ARSD: variants seen among roughly 807,000 people sequenced by gnomAD.
ARSD encodes testis tissue sperm-binding protein Li 39a.
ARSD carries 21 observed loss-of-function variants against 32.6 expected under a neutral mutation model. The ratio of observed to expected loss-of-function variants is 0.64; its 90% CI spans 0.46 to 0.93. The LOEUF is 0.93. ARSD is among the 40% of genes least tolerant of loss of function. ARSD has a pLI of 0.00. For missense variants in ARSD, 454 were observed against 520.9 expected (o/e 0.87, Z 1.25); for synonymous variants, 224 against 237.4 (o/e 0.94, Z 0.52).
At chrX:2,919,796 G>A (rs2089011857) in intron 4 of ARSD, among the ~76,000 whole-genome samples, 1 of 110,992 alleles carries the variant, frequency 9.0e-6, no homozygotes, top group African/African-American at 3.3e-5. Flanking sequence ...TTCCCTAATA[G>A]ACAGCATTCC....
rs61456366 is a variant in ARSD at position 2,909,753 on chromosome X, T to TAA, written c.1298+62_1298+63dup. 3,510 of 779,275 alleles carry TAA rather than the reference T, an allele frequency of 4.5e-3. 2 individuals are homozygous for TAA. The highest frequency in any genetic ancestry group is 0.031 in the East Asian group (681 of 22,029). 64.2% of individuals were successfully genotyped at this position (779,275 alleles called of 1,213,427 possible). ...CCTGTTCCCCAAAATCCTATTGAAATAAAAAAAAAAAACTAAAAACAATTA... is the reference window on the plus strand; with the variant it reads ...CCTGTTCCCCAAAATCCTATTGAAATAAAAAAAAAAAAAACTAAAAACAATTA... On this transcript the variant is annotated intron_variant, in intron 8 of 9. Coordinates refer to ENST00000381154, the MANE Select transcript of ARSD (RefSeq NM_001669.4).
rs776826306 is a variant in ARSD at position 2,917,987 on chromosome X, G to A, written c.680C>T (p.Ala227Val). ...GCCGGCCATGCCGGTGACTGCTCTC[G>A]CGGAGACAGAGAAGAAACCGCAGGT... is the stretch of plus-strand genomic sequence containing the variant. ...GQTCGFFSVS[A>V]RAVTGMAGVG... The change falls in exon 5 of 10, where the codon GCG becomes GTG. Residue 227 changes from alanine (A) to valine (V), a missense_variant. Physicochemically the swap from Ala to Val is moderately conservative, Grantham distance 64. This residue lies in a region of ARSD where 271 missense variants were observed against 301.0 expected (regional missense o/e 0.90). Coordinates refer to ENST00000381154, the MANE Select transcript of ARSD (RefSeq NM_001669.4). The A allele has an allele frequency of 1.7e-6, 2 of 1,210,222 alleles. No individual in the cohort carries two copies.
At chrX:2,928,473 C>T (rs1365847359) in intron 1 of ARSD, among the ~76,000 whole-genome samples, 1 of 66,733 alleles carries the variant, frequency 1.5e-5, no homozygotes, top group Non-Finnish European at 2.7e-5. Context: ...GGGGAGGGCA[C>T]AGCCGTGCTG....
At chrX:2,926,641 G>A (rs757528809) in intron 1 of ARSD, among the ~76,000 whole-genome samples, 1 of 111,783 alleles carries the variant, frequency 8.9e-6, no homozygotes, top group Non-Finnish European at 1.9e-5. Context: ...CTGCCACATC[G>A]TCAAGCTGAA....
intron 3 of ARSD, among the ~76,000 whole-genome samples, chrX:2,921,558 TATCTATC>T (rs1248780162): frequency 6.2e-5 from 7 of 112,086 alleles, no homozygotes; most frequent in African/African-American, 2.3e-4. Flanking sequence ...TCTATCTATC[TATCTATC>T]ATCTATCATC....
Position 2,906,228 on chromosome X carries a change from C to T in ARSD, c.*1043G>A. The T allele has an allele frequency of 9.1e-6, 1 of 109,606 alleles. No homozygotes were observed. The allele number at this position is 109,606 out of a possible 1,213,427, so 9.0% of individuals were successfully genotyped here. ...TCTTAGCTCATTGCAGTTTTGACCT[C>T]CCAGGCTCAAATAATCCTCCCGCCT... On this transcript the variant is annotated 3_prime_UTR_variant, in exon 10 of 10. Transcript: ENST00000381154.
Position 2,921,952 on chromosome X carries a change from G to A in ARSD, c.267C>T (p.Cys89=). Residue 89 remains cysteine (C), a synonymous_variant, in exon 3 of 10, where the codon TGC becomes TGT. Transcript: ENST00000381154. ...TGAGGAATGCAGCTCGGCTTGGGGT[G>A]CAGAGCGGGGCGGCCGCCAGGTGCT... The part of the protein sequence containing the change: ...LTQHLAAAPL[C]TPSRAAFLTG... 8.3e-7 allele frequency: 1 copy of A among 1,211,108 alleles called. No homozygotes were observed.
chrX:2,920,233 C>G (rs1288682515), intron 4 of ARSD: 5 of 222,381 alleles, frequency 2.2e-5, no homozygotes, highest in Non-Finnish European at 4.1e-5. Context: ...GGGCAATCTC[C>G]TAGGATTTTG....
Position 2,907,435 on chromosome X carries a change from C to T in ARSD, c.1618G>A (p.Val540Met), listed in dbSNP as rs757945599. 50 of 1,210,278 alleles carry T rather than the reference C, an allele frequency of 4.1e-5. No individual in the cohort carries two copies. The highest frequency in any genetic ancestry group is 5.1e-5 in the Non-Finnish European group (46 of 895,172). The change falls in exon 10 of 10, where the codon GTG becomes ATG. Residue 540 changes from valine (V) to methionine (M), a missense_variant. This residue lies in a region of ARSD where 179 missense variants were observed against 198.5 expected (regional missense o/e 0.90). Coordinates refer to ENST00000381154, the MANE Select transcript of ARSD (RefSeq NM_001669.4). ...ACCGCGGCACCTACCCTTGCTATCACGGCGTGGTACAGGGGCTCGGAGTCG... is the reference window on the plus strand; with the variant it reads ...ACCGCGGCACCTACCCTTGCTATCATGGCGTGGTACAGGGGCTCGGAGTCG... The part of the protein sequence containing the change: ...TPDSEPLYHA[V>M]IARVGAAVSE...
chrX:2,929,243 C>T lies in ARSD; in HGVS notation c.33G>A (p.Ala11=). The T allele has an allele frequency of 1.9e-6, 2 of 1,036,395 alleles. No homozygotes were observed. Among genetic ancestry groups the T allele is most frequent in the Admixed American group, 4.5e-5 (1 of 22,179 alleles). The allele number at this position is 1,036,395 out of a possible 1,213,427, so 85.4% of individuals were successfully genotyped here. MRSAARRGRA[A]PAARDSLPVL... ...GGGGTCCCAGGCACCTGGCGGCGGGCGCGGCGCGTCCCCTCCGCGCGGCGG... is the reference window on the plus strand; with the variant it reads ...GGGGTCCCAGGCACCTGGCGGCGGGTGCGGCGCGTCCCCTCCGCGCGGCGG... Residue 11 remains alanine (A), a synonymous_variant, in exon 1 of 10, where the codon GCG becomes GCA. Transcript: ENST00000381154.
At chrX:2,925,126 G>A (rs1051505889) in intron 2 of ARSD, among the ~76,000 whole-genome samples, 2 of 112,645 alleles carry the variant, frequency 1.8e-5, no homozygotes, top group Non-Finnish European at 3.8e-5. Flanking sequence ...GTTTGCAAAC[G>A]TCATCAACAG....
chrX:2,929,132 G>C (rs1202117726), intron 1 of ARSD, 100 bp downstream of exon 1: 1 of 819,852 alleles, frequency 1.2e-6, no homozygotes, highest in Non-Finnish European at 1.6e-6. Flanking sequence ...CTTTACAGGG[G>C]CCCAGGCTCG....
chrX:2,907,471 G>T lies in ARSD; in HGVS notation c.1582C>A (p.Pro528Thr). 1 of 1,208,945 alleles carries T rather than the reference G, an allele frequency of 8.3e-7. No homozygotes were observed. The highest frequency in any genetic ancestry group is 1.1e-6 in the Non-Finnish European group (1 of 894,039). Residue 528 changes from proline to threonine, a missense_variant, in exon 10 of 10, where the codon CCC (proline) becomes ACC (threonine). Physicochemically the swap from Pro to Thr is conservative, Grantham distance 38. Around this residue, in one of 3 missense-constraint regions of ARSD, gnomAD observed 179 missense variants for 198.5 expected, o/e 0.90. Coordinates refer to ENST00000381154, the MANE Select transcript of ARSD (RefSeq NM_001669.4). ...DLSRDPSEARPLTPDSEPLYH... is the reference protein window; with the variant it reads ...DLSRDPSEARTLTPDSEPLYH... ...AGGGGCTCGGAGTCGGGGGTCAGGG[G>T]CCGTGCCTCGGAGGGGTCCCTGGAG...
At chrX:2,916,091 C>T (rs2088956176) in intron 5 of ARSD, among the ~76,000 whole-genome samples, 1 of 94,281 alleles carries the variant, frequency 1.1e-5, no homozygotes, top group African/African-American at 4.1e-5. Flanking sequence ...ATGATCATAC[C>T]ACTGCACTCC....
intron 9 of ARSD, 32 bp downstream of exon 9, chrX:2,908,672 TATTGGCTGTTTCTCTGG>T: frequency 8.8e-7 from 1 of 1,137,084 alleles, no homozygotes; most frequent in African/African-American, 1.8e-5. Flanking sequence ...CCACACATCC[TATTGGCTGTTTCTCTGG>T]ACAACCCTGG....
At chrX:2,927,193 C>G (rs2089091193) in intron 1 of ARSD, among the ~76,000 whole-genome samples, 1 of 110,237 alleles carries the variant, frequency 9.1e-6, no homozygotes, top group South Asian at 3.9e-4. Context: ...CTAAGGCTTT[C>G]CATGCCGACT....
intron 6 of ARSD, chrX:2,913,831 G>C: frequency 1.5e-6 from 1 of 659,076 alleles, no homozygotes; most frequent in Non-Finnish European, 2.0e-6. Flanking sequence ...CTGAATGATG[G>C]GGACAGAGTT....
Position 2,908,881 on chromosome X carries a change from C to T in ARSD, c.1299-39G>A, listed in dbSNP as rs181019627. ...GAGAACACAGAGCAGAGTCAGACCACGGGTTCCCAGGCAGCCTTTTGCACC... is the reference window on the plus strand; with the variant it reads ...GAGAACACAGAGCAGAGTCAGACCATGGGTTCCCAGGCAGCCTTTTGCACC... On this transcript the variant is annotated intron_variant, in intron 8 of 9. Coordinates refer to ENST00000381154, the MANE Select transcript of ARSD (RefSeq NM_001669.4). 8.3e-6 allele frequency: 10 copies of T among 1,207,461 alleles called. No homozygotes were observed. The East Asian group carries it at 8.9e-5, about 11-fold the overall frequency.
chrX:2,918,102 G>T lies in ARSD; in HGVS notation c.565C>A (p.Pro189Thr). The T allele has an allele frequency of 1.7e-6, 2 of 1,200,234 alleles. No individual in the cohort carries two copies. Among genetic ancestry groups the T allele is most frequent in the Non-Finnish European group, 2.2e-6 (2 of 889,400 alleles). ...CTCAGGGCGGCGTCCACTTCGGGGG[G>T]CCTGCCTGGGTCACAGTCGTTTGTG... ...TLTNDCDPGRPPEVDAALRAQ... is the reference protein window; with the variant it reads ...TLTNDCDPGRTPEVDAALRAQ... Residue 189 changes from proline to threonine, a missense_variant, in exon 5 of 10, where the codon CCC becomes ACC. Physicochemically the swap from Pro to Thr is conservative, Grantham distance 38. This residue lies in a region of ARSD where 271 missense variants were observed against 301.0 expected (regional missense o/e 0.90). Coordinates refer to ENST00000381154, the MANE Select transcript of ARSD (RefSeq NM_001669.4).
Sources: gnomAD v4.1 joint callset for allele counts (sites outside exome capture counted in the v4.1 genomes callset) on GRCh38, gnomAD v4.1.1 for gene constraint, gnomAD v4.1.1 regional missense constraint, MANE v1.5 for transcripts, NCBI Gene and HGNC (gene_info 2026-07-23, HGNC 2026-07-21) for gene names.